AGBL4: variants seen among roughly 807,000 people sequenced by gnomAD.
The protein encoded by AGBL4 is AGBL carboxypeptidase 4.
In AGBL4, 58 loss-of-function variants were observed where a neutral mutation model predicts 66.4. The observed-to-expected ratio is 0.87, with a 90% CI of 0.71 to 1.09. The LOEUF (loss-of-function observed/expected upper bound fraction) is 1.09. Ranked by LOEUF, AGBL4 falls within the 50% of genes least tolerant of loss-of-function variation. The pLI is 0.00. For synonymous variants in AGBL4, 234 were observed against 222.9 expected, an observed-to-expected ratio of 1.05 and a Z score of -0.44; for missense variants, 579 against 631.0, an observed-to-expected ratio of 0.92 and a Z score of 0.88.
intron 4 of AGBL4, among the ~76,000 whole-genome samples, chr1:49,180,052 C>T (rs968747371): frequency 1.3e-5 from 2 of 152,110 alleles, no homozygotes; most frequent in Non-Finnish European, 2.9e-5. Flanking sequence ...CAGGCATGCA[C>T]CACCATGCCC....
chr1:49,624,457 G>T (rs781067968), intron 3 of AGBL4, among the ~76,000 whole-genome samples: 4 of 152,150 alleles, frequency 2.6e-5, no homozygotes, highest in Non-Finnish European at 5.9e-5. Flanking sequence ...ATTCTGTTGA[G>T]GGTAGCTTGT....
At chr1:49,485,853 G>A (rs1422221996) in intron 3 of AGBL4, among the ~76,000 whole-genome samples, 2 of 151,890 alleles carry the variant, frequency 1.3e-5, no homozygotes, top group African/African-American at 4.8e-5. Flanking sequence ...GGGATGTAGA[G>A]AGCCTTAATG....
chr1:48,557,800 G>C (rs1016367625), intron 11 of AGBL4, among the ~76,000 whole-genome samples: 2 of 152,174 alleles, frequency 1.3e-5, no homozygotes, highest in Non-Finnish European at 2.9e-5. Flanking sequence ...AGAGAACCCT[G>C]AACCTTTTGC....
chr1:48,677,827 A>G (rs1646391026), intron 6 of AGBL4, among the ~76,000 whole-genome samples: 1 of 152,226 alleles, frequency 6.6e-6, no homozygotes, highest in South Asian at 2.1e-4. Flanking sequence ...GTCAAGCCTC[A>G]GGAGAGGCCT....
intron 4 of AGBL4, among the ~76,000 whole-genome samples, chr1:49,075,897 T>C (rs949448893): frequency 5.9e-5 from 9 of 152,232 alleles, no homozygotes; most frequent in Non-Finnish European, 1.2e-4. Flanking sequence ...AAAGTAGATC[T>C]TATATGCTCT....
chr1:49,642,555 T>C (rs1285135033), intron 3 of AGBL4, among the ~76,000 whole-genome samples: 1 of 151,928 alleles, frequency 6.6e-6, no homozygotes, highest in Non-Finnish European at 1.5e-5. Context: ...TTTTCACCTT[T>C]ACTGATAAAC....
intron 5 of AGBL4, among the ~76,000 whole-genome samples, chr1:48,972,971 A>G (rs1659031623): frequency 6.6e-6 from 1 of 152,148 alleles, no homozygotes; most frequent in African/African-American, 2.4e-5. Flanking sequence ...AGATCAAGCA[A>G]CTGGCCCAAA....
intron 4 of AGBL4, among the ~76,000 whole-genome samples, chr1:49,122,328 A>T (rs540482975): frequency 2.0e-5 from 3 of 152,142 alleles, no homozygotes; most frequent in African/African-American, 7.2e-5. Context: ...AGCTGTTCCT[A>T]TTTGTCCATC....
At chr1:48,991,070 A>G (rs3118216) in intron 5 of AGBL4, among the ~76,000 whole-genome samples, 82,591 of 152,004 alleles carry the variant, frequency 0.54, 23,148 homozygotes, top group Non-Finnish European at 0.61. Context: ...TGAGTTTTGT[A>G]CCTTCAGATG....
chr1:48,786,600 A>C (rs1210066183), intron 6 of AGBL4, among the ~76,000 whole-genome samples: 1 of 152,214 alleles, frequency 6.6e-6, no homozygotes, highest in Non-Finnish European at 1.5e-5. Flanking sequence ...GTAACTAATA[A>C]TTTTGTAAAC....
intron 3 of AGBL4, among the ~76,000 whole-genome samples, chr1:49,541,257 C>T (rs910758808): frequency 2.6e-5 from 4 of 152,200 alleles, no homozygotes; most frequent in South Asian, 4.1e-4. Context: ...TTCAGCCCGC[C>T]GCTGCACTAT....
intron 5 of AGBL4, among the ~76,000 whole-genome samples, chr1:49,010,073 A>G (rs1662263648): frequency 6.6e-6 from 1 of 152,196 alleles, no homozygotes; most frequent in Admixed American, 6.5e-5. Flanking sequence ...CAATTAGGAA[A>G]AGAGGAAGTC....
intron 2 of AGBL4, among the ~76,000 whole-genome samples, chr1:49,783,006 G>GC (rs1644372138): frequency 7.0e-6 from 1 of 143,744 alleles, no homozygotes; most frequent in Non-Finnish European, 1.5e-5. Context: ...CCAGAAACCT[G>GC]TTTTTTTTTT....
intron 1 of AGBL4, among the ~76,000 whole-genome samples, chr1:49,909,408 G>A (rs1650598206): frequency 6.6e-6 from 1 of 152,126 alleles, no homozygotes; most frequent in Admixed American, 6.6e-5. Flanking sequence ...GATTTGAGTA[G>A]AAACCTGAAG....
chr1:49,381,903 G>A (rs992450858), intron 3 of AGBL4, among the ~76,000 whole-genome samples: 6 of 151,404 alleles, frequency 4.0e-5, no homozygotes, highest in Admixed American at 3.3e-4. Flanking sequence ...GCTAAATGAC[G>A]AGTTAATCGG....
chr1:49,851,252 A>G (rs1646294567), intron 2 of AGBL4, 144 bp downstream of exon 2: 1 of 938,280 alleles, frequency 1.1e-6, no homozygotes, highest in African/African-American at 1.7e-5. Context: ...TAGTTCCTTC[A>G]AAATTTTTTC....
At chr1:49,673,446 A>AAAGTGTAT (rs2124533451) in intron 3 of AGBL4, among the ~76,000 whole-genome samples, 1 of 152,332 alleles carries the variant, frequency 6.6e-6, no homozygotes, top group South Asian at 2.1e-4. Context: ...AAAATAATTT[A>AAAGTGTAT]AAGTGTATAA....
chr1:49,408,756 C>T (rs1383795979), intron 3 of AGBL4, among the ~76,000 whole-genome samples: 1 of 152,222 alleles, frequency 6.6e-6, no homozygotes, highest in Non-Finnish European at 1.5e-5. Context: ...AGGCCATAGA[C>T]TGAAGGCTAC....
At chr1:49,189,722 G>A (rs909240336) in intron 4 of AGBL4, among the ~76,000 whole-genome samples, 1 of 152,104 alleles carries the variant, frequency 6.6e-6, no homozygotes, top group Non-Finnish European at 1.5e-5. Context: ...TGAACAAAAG[G>A]CAAGATCCTG....
Sources: allele counts gnomAD v4.1 joint callset (sites outside exome capture counted in the v4.1 genomes callset), GRCh38; gene constraint gnomAD v4.1.1; transcripts MANE v1.5; gene names NCBI Gene and HGNC (gene_info 2026-07-23, HGNC 2026-07-21).